The following SLC18B1 variants were observed in gnomAD, a reference collection of about 807,000 sequenced individuals.
The protein encoded by SLC18B1 is solute carrier family 18 member B1, also known as MFS-type transporter SLC18B1.
In SLC18B1, 62 loss-of-function variants were observed where a neutral mutation model predicts 53.9. The observed-to-expected ratio is 1.15, with a 90% CI of 0.94 to 1.42. The LOEUF (loss-of-function observed/expected upper bound fraction) is 1.42. Among genes scored for constraint, SLC18B1 ranks in the 40% most tolerant of loss-of-function variants. SLC18B1 has a pLI of 0.00. For synonymous variants in SLC18B1, 217 were observed against 200.9 expected (o/e 1.08, Z -0.68); for missense variants, 598 against 547.3 (o/e 1.09, Z -0.93).
At chr6:132,780,027 G>A (rs1266399359) in intron 6 of SLC18B1, among the ~76,000 whole-genome samples, 2 of 151,944 alleles carry the variant, frequency 1.3e-5, no homozygotes, top group African/African-American at 2.4e-5. Flanking sequence ...TGACACATGG[G>A]GACTATTATA....
At chr6:132,792,280 A>AAAGAAAGGAAGGAAGGAAGGAAGGAAGG (rs1554223267) in intron 2 of SLC18B1, among the ~76,000 whole-genome samples, 1 of 42,674 alleles carries the variant, frequency 2.3e-5, no homozygotes, top group Non-Finnish European at 4.7e-5. Context: ...AGAAAGAAAG[A>AAAGAAAGGAAGGAAGGAAGGAAGGAAGG]AAGGAAGAAA....
Position 132,784,053 on chromosome 6 carries a change from G to A in SLC18B1, c.538C>T (p.Leu180=), listed in dbSNP as rs369468647. The change falls in exon 6 of 14, where the codon CTA becomes TTA. Residue 180 remains leucine (L), a synonymous_variant. Transcript: ENST00000275227. The part of the protein sequence containing the change: ...LETFSGLGLI[L]GPPVGGFLYQ... Reference sequence around the variant, plus strand: ...AAAAAGCCACCTACAGGAGGACCTAGTATTAGCCCCAGTCCAGAAAAAGTC... The same window carrying A: ...AAAAAGCCACCTACAGGAGGACCTAATATTAGCCCCAGTCCAGAAAAAGTC... 88 of 1,602,080 alleles carry A rather than the reference G, an allele frequency of 5.5e-5. No individual in the cohort carries two copies. The highest frequency in any genetic ancestry group is 7.2e-5 in the Non-Finnish European group (85 of 1,175,722).
intron 3 of SLC18B1, 91 bp downstream of exon 3, chr6:132,790,086 C>A: frequency 2.1e-6 from 2 of 948,150 alleles, no homozygotes; most frequent in Middle Eastern, 3.1e-4. Context: ...ATGGCTATTT[C>A]TGTATCAATG....
At chr6:132,789,915 T>C in intron 3 of SLC18B1, 78 bp from the exon 4 acceptor site, 1 of 981,012 alleles carries the variant, frequency 1.0e-6, no homozygotes, top group East Asian at 2.4e-5. Flanking sequence ...TCCACTGTAT[T>C]GGCAAATATA....
rs562430390 is a variant in SLC18B1, at chr6:132,771,123, A to T, written c.1167T>A (p.Phe389Leu). ...LFSAMWSIGAFMGPTLGGFLY... is the reference protein window; with the variant it reads ...LFSAMWSIGALMGPTLGGFLY... The stretch of plus-strand genomic sequence containing the variant: ...GAAATCCACCCAGCGTTGGTCCCAT[A>T]AAAGCACTAACAATAGAAAGAAGAA... Residue 389 changes from phenylalanine (F) to leucine (L), a missense_variant, in exon 12 of 14, where the codon TTT becomes TTA. Phe to Leu is a conservative substitution (Grantham distance 22, BLOSUM62 0). Transcript: ENST00000275227. 1.3e-5 allele frequency: 21 copies of T among 1,613,634 alleles called. No individual in the cohort carries two copies. The highest frequency in any genetic ancestry group is 1.7e-5 in the Non-Finnish European group (20 of 1,179,864).
intron 7 of SLC18B1, among the ~76,000 whole-genome samples, chr6:132,778,701 C>T (rs1314082697): frequency 1.3e-5 from 2 of 152,084 alleles, no homozygotes; most frequent in African/African-American, 4.8e-5. Flanking sequence ...TTCACTGTGT[C>T]AGTAATAATA....
intron 4 of SLC18B1, 97 bp from the exon 5 acceptor site, chr6:132,787,678 C>T (rs916378185): frequency 9.0e-7 from 1 of 1,109,496 alleles, no homozygotes; most frequent in African/African-American, 1.7e-5. Context: ...GTACCTCACT[C>T]ATGGTTTTTA....
chr6:132,786,592 T>A (rs980912141), intron 5 of SLC18B1, among the ~76,000 whole-genome samples: 5 of 148,770 alleles, frequency 3.4e-5, no homozygotes. Context: ...GGGGAAGGAC[T>A]ATTTACACCA....
chr6:132,787,154 A>T (rs559241551), intron 5 of SLC18B1, among the ~76,000 whole-genome samples: 10 of 150,930 alleles, frequency 6.6e-5, no homozygotes, highest in Middle Eastern at 3.4e-3. Flanking sequence ...ACAAAGGAAA[A>T]TTTTTTTTTT....
At chr6:132,788,937 A>AT (rs1170245664) in intron 4 of SLC18B1, among the ~76,000 whole-genome samples, 1 of 151,574 alleles carries the variant, frequency 6.6e-6, no homozygotes, top group Non-Finnish European at 1.5e-5. Flanking sequence ...AAAAAAAAAA[A>AT]AAAAGGAATA....
chr6:132,782,816 C>T (rs1300048333), intron 6 of SLC18B1, among the ~76,000 whole-genome samples: 4 of 148,176 alleles, frequency 2.7e-5, no homozygotes, highest in African/African-American at 1.0e-4. Flanking sequence ...ACTTTGTTGT[C>T]CAGGCTGGAG....
At chr6:132,778,869 T>C (rs1008965709) in intron 7 of SLC18B1, among the ~76,000 whole-genome samples, 8 of 152,212 alleles carry the variant, frequency 5.3e-5, no homozygotes, top group African/African-American at 1.9e-4. Flanking sequence ...AAAAAGTAAG[T>C]GGACCCAGGG....
intron 5 of SLC18B1, 93 bp from the exon 6 acceptor site, chr6:132,784,182 A>G (rs1426766179): frequency 1.9e-5 from 19 of 1,017,854 alleles, no homozygotes; most frequent in Non-Finnish European, 1.6e-5. Context: ...CTTCTTCATA[A>G]TTTACATACA....
At chr6:132,796,291 C>T (rs554515790) in intron 2 of SLC18B1, among the ~76,000 whole-genome samples, 336 of 135,860 alleles carry the variant, frequency 2.5e-3, no homozygotes, top group Middle Eastern at 9.0e-3. Flanking sequence ...GGAGGCGGAG[C>T]TTGCAGTGAG....
At chr6:132,795,162 A>T (rs998755748) in intron 2 of SLC18B1, among the ~76,000 whole-genome samples, 2 of 141,106 alleles carry the variant, frequency 1.4e-5, no homozygotes, top group Non-Finnish European at 3.1e-5. Flanking sequence ...AAAATGATTT[A>T]AAAAAAGAAA....
intron 7 of SLC18B1, 60 bp from the exon 8 acceptor site, chr6:132,776,489 T>A: frequency 8.4e-7 from 1 of 1,191,442 alleles, no homozygotes; most frequent in Non-Finnish European, 1.2e-6. Context: ...TAAACATCCC[T>A]CTTTTCCCTC....
Position 132,787,698 on chromosome 6 carries a change from G to A in SLC18B1, c.354-117C>T, listed in dbSNP as rs539176458. 2.9e-5 allele frequency: 24 copies of A among 826,934 alleles called. 1 individual carries two copies. In the South Asian group the frequency reaches 7.1e-4, roughly 25 times the overall value. The allele number at this position is 826,934 out of a possible 1,614,324, so 51.2% of individuals were successfully genotyped here. ...TCACTCATGGTTTTTAGAATAAACC[G>A]CTTTAGAATATGATTTTTTTAAAAG... is the stretch of plus-strand genomic sequence containing the variant. On this transcript the variant is annotated intron_variant, in intron 4 of 13. Transcript: ENST00000275227.
At chr6:132,782,938 C>A (rs1425265685) in intron 6 of SLC18B1, among the ~76,000 whole-genome samples, 3 of 151,868 alleles carry the variant, frequency 2.0e-5, no homozygotes, top group Non-Finnish European at 4.4e-5. Context: ...CCATGCCTGG[C>A]TAATTTTTGT....
chr6:132,777,842 T>C (rs1562263977), intron 7 of SLC18B1, among the ~76,000 whole-genome samples: 1 of 152,248 alleles, frequency 6.6e-6, no homozygotes, highest in Non-Finnish European at 1.5e-5. Context: ...AAAATACAGG[T>C]TGTTGATGAT....
Sources: allele counts gnomAD v4.1 joint callset (sites outside exome capture counted in the v4.1 genomes callset), GRCh38; gene constraint gnomAD v4.1.1; transcripts MANE v1.5; gene names NCBI Gene and HGNC (gene_info 2026-07-23, HGNC 2026-07-21).